The following CTNNA2 variants were observed in gnomAD, a reference collection of about 807,000 sequenced individuals.
CTNNA2 encodes the protein catenin alpha 2.
In CTNNA2, 42 loss-of-function variants were observed where a neutral mutation model predicts 101.0. The observed-to-expected ratio is 0.42, with a 90% CI of 0.32 to 0.54. The LOEUF (loss-of-function observed/expected upper bound fraction) is 0.54. Ranked by LOEUF, CTNNA2 falls within the 20% of genes least tolerant of loss-of-function variation. The pLI, the probability that CTNNA2 is intolerant of heterozygous loss-of-function variation, is 0.14. For missense variants in CTNNA2, 871 were observed against 1,223.1 expected (o/e 0.71, Z 4.29); for synonymous variants, 450 against 456.4 (o/e 0.99, Z 0.18).
chr2:79,922,515 A>G (rs1686735906), intron 7 of CTNNA2, among the ~76,000 whole-genome samples: 1 of 152,148 alleles, frequency 6.6e-6, no homozygotes, highest in Non-Finnish European at 1.5e-5. Context: ...TCTTCTTATT[A>G]CAGACATTGC....
rs17017517 is a variant in CTNNA2 at position 79,676,799 on chromosome 2, T to C, written c.102+25141T>C. Reference sequence around the variant, plus strand: ...AATGGAAAGGATTCATTCTGAGATGTGAGAAATTGTGAAAAGCTTTATAAA... The same window carrying C: ...AATGGAAAGGATTCATTCTGAGATGCGAGAAATTGTGAAAAGCTTTATAAA... On this transcript the variant is annotated intron_variant, in intron 2 of 18. Transcript: ENST00000402739. Among the ~76,000 whole-genome samples the C allele has an allele frequency of 7.4e-3, 1,129 of 152,338 alleles. 32 individuals are homozygous for C. In the East Asian group the frequency reaches 0.1, roughly 14 times the overall value.
chr2:79,934,112 G>C (rs751525032), intron 7 of CTNNA2, among the ~76,000 whole-genome samples: 2 of 152,138 alleles, frequency 1.3e-5, no homozygotes, highest in Non-Finnish European at 2.9e-5. Context: ...TTCTAAGGTT[G>C]AGCTTTAAAA....
At chr2:80,098,574 C>A (rs1700329765) in intron 7 of CTNNA2, among the ~76,000 whole-genome samples, 1 of 152,206 alleles carries the variant, frequency 6.6e-6, no homozygotes, top group Admixed American at 6.5e-5. Context: ...TTACTGCTGC[C>A]TTTTGTTTGT....
chr2:79,555,852 T>A (rs1428126422), intron 1 of CTNNA2, among the ~76,000 whole-genome samples: 1 of 152,072 alleles, frequency 6.6e-6, no homozygotes, highest in African/African-American at 2.4e-5. Flanking sequence ...AGTAAACAAA[T>A]GTGAAAAATG....
chr2:79,870,020 A>C (rs572036052), intron 5 of CTNNA2, 85 bp downstream of exon 5: 2 of 1,494,644 alleles, frequency 1.3e-6, no homozygotes, highest in Admixed American at 3.9e-5. Context: ...CAATGGATCA[A>C]CTGCATCTGC....
intron 7 of CTNNA2, among the ~76,000 whole-genome samples, chr2:80,250,105 G>A (rs1671637695): frequency 6.6e-6 from 1 of 151,650 alleles, no homozygotes; most frequent in Admixed American, 6.6e-5. Flanking sequence ...TTAACTTGAA[G>A]CTCAAAGCAC....
chr2:79,373,432 G>C (rs1312123012), intron 3 of CTNNA2, among the ~76,000 whole-genome samples: 1 of 152,156 alleles, frequency 6.6e-6, no homozygotes, highest in African/African-American at 2.4e-5. Flanking sequence ...ATTCATACCT[G>C]CAGAAGAAAA....
chr2:79,448,237 ACTCT>A (rs1291740522), intron 4 of CTNNA2, among the ~76,000 whole-genome samples: 1 of 151,964 alleles, frequency 6.6e-6, no homozygotes, highest in Non-Finnish European at 1.5e-5. Flanking sequence ...TGTGAAGGAA[ACTCT>A]CTCTGTATTT....
intron 7 of CTNNA2, among the ~76,000 whole-genome samples, chr2:80,139,517 G>A (rs1268859888): frequency 1.3e-5 from 2 of 151,992 alleles, no homozygotes; most frequent in Non-Finnish European, 2.9e-5. Context: ...AGAATGCAAA[G>A]GCTACAGTTT....
At chr2:79,603,845 A>G (rs1187268751) in intron 1 of CTNNA2, among the ~76,000 whole-genome samples, 2 of 152,180 alleles carry the variant, frequency 1.3e-5, no homozygotes, top group Non-Finnish European at 2.9e-5. Flanking sequence ...TACATACCCC[A>G]CAAGTTTGTC....
intron 3 of CTNNA2, among the ~76,000 whole-genome samples, chr2:79,755,699 C>T (rs1023380935): frequency 3.3e-5 from 5 of 152,122 alleles, no homozygotes; most frequent in African/African-American, 1.2e-4. Context: ...CCAAGTAAAT[C>T]TTATGCTTCT....
At chr2:80,452,550 G>A (rs1334999557) in intron 9 of CTNNA2, among the ~76,000 whole-genome samples, 1 of 151,536 alleles carries the variant, frequency 6.6e-6, no homozygotes, top group Non-Finnish European at 1.5e-5. Flanking sequence ...GTGTTCTAAC[G>A]CCGCTGACAA....
chr2:79,636,629 T>G lies in CTNNA2; in HGVS notation c.-5-14923T>G, dbSNP rs190342066. 3.3e-3 allele frequency among the ~76,000 whole-genome samples: 496 copies of G among 152,250 alleles called. 3 individuals are homozygous for G. The highest frequency in any genetic ancestry group is 0.012 in the African/African-American group (479 of 41,540). ...AAATGATTTACTTATTGATTTTTAT[T>G]TAGATAAGGAATGTGTGATCATTAT... On this transcript the variant is annotated intron_variant, in intron 1 of 18. Transcript: ENST00000402739.
chr2:80,272,520 G>A (rs1673579831), intron 7 of CTNNA2, among the ~76,000 whole-genome samples: 1 of 152,150 alleles, frequency 6.6e-6, no homozygotes, highest in Non-Finnish European at 1.5e-5. Flanking sequence ...AGAACCTTCA[G>A]ATTAGCAGTC....
chr2:79,788,020 G>C (rs189877726), intron 3 of CTNNA2, among the ~76,000 whole-genome samples: 1 of 152,082 alleles, frequency 6.6e-6, no homozygotes, highest in South Asian at 2.1e-4. Flanking sequence ...AGATGAATGC[G>C]AAAGAAGTTA....
chr2:80,326,220 T>A (rs1007371), intron 7 of CTNNA2, among the ~76,000 whole-genome samples: 22,982 of 152,154 alleles, frequency 0.15, 2,169 homozygotes, highest in East Asian at 0.34. Context: ...GCTATTGTTT[T>A]ACTACCTCTA....
intron 18 of CTNNA2, among the ~76,000 whole-genome samples, chr2:80,644,516 A>G (rs1388589719): frequency 6.6e-6 from 1 of 152,156 alleles, no homozygotes; most frequent in African/African-American, 2.4e-5. Context: ...AACCTTGCCA[A>G]TTGGAAAACA....
chr2:80,561,665 CCT>C (rs761342898), intron 12 of CTNNA2, among the ~76,000 whole-genome samples: 4 of 151,918 alleles, frequency 2.6e-5, no homozygotes, highest in Non-Finnish European at 5.9e-5. Flanking sequence ...AGAAACACTT[CCT>C]CTCTCTTTTT....
intron 7 of CTNNA2, among the ~76,000 whole-genome samples, chr2:80,375,053 G>A (rs892570031): frequency 2.6e-5 from 4 of 152,130 alleles, no homozygotes; most frequent in African/African-American, 7.2e-5. Context: ...CCCACCCCAG[G>A]CGAGCACAGA....
Sources: gnomAD v4.1 joint callset for allele counts (sites outside exome capture counted in the v4.1 genomes callset) on GRCh38, gnomAD v4.1.1 for gene constraint, MANE v1.5 for transcripts, NCBI Gene and HGNC (gene_info 2026-07-23, HGNC 2026-07-21) for gene names.